The following ATP6V0D1 variants were observed in gnomAD, a reference collection of about 807,000 sequenced individuals.
ATP6V0D1 encodes the protein V-type proton ATPase subunit d 1.
In ATP6V0D1, 13 loss-of-function variants were observed where a neutral mutation model predicts 39.0. The observed-to-expected ratio is 0.33, with a 90% CI of 0.22 to 0.53. The LOEUF is 0.53. Among genes scored for constraint, ATP6V0D1 ranks in the 20% least tolerant of loss-of-function variants. The pLI is 0.94. For missense variants in ATP6V0D1, 272 were observed against 470.9 expected (o/e 0.58, Z 3.91); for synonymous variants, 191 against 191.2 (o/e 1.00, Z 0.01).
At chr16:67,457,572 C>G (rs1309323796) in intron 1 of ATP6V0D1, 1 of 1,289,538 alleles carries the variant, frequency 7.8e-7, no homozygotes, top group East Asian at 5.5e-5. Flanking sequence ...ACCTGACAGG[C>G]ATGGACCATC....
intron 4 of ATP6V0D1, among the ~76,000 whole-genome samples, chr16:67,441,976 G>C (rs911815466): frequency 6.6e-6 from 1 of 152,230 alleles, no homozygotes; most frequent in Admixed American, 6.5e-5. Flanking sequence ...TCAAAGCCCT[G>C]GGTAACTTGA....
intron 2 of ATP6V0D1, among the ~76,000 whole-genome samples, chr16:67,448,546 G>C (rs2041142675): frequency 6.6e-6 from 1 of 151,726 alleles, no homozygotes; most frequent in Non-Finnish European, 1.5e-5. Context: ...TGTAATCCCA[G>C]CTGCTCTGGA....
At chr16:67,459,247 A>C in intron 1 of ATP6V0D1, 4 of 985,536 alleles carry the variant, frequency 4.1e-6, no homozygotes, top group Non-Finnish European at 4.8e-6. Context: ...TCTCAGGCCC[A>C]TAGAGAGGCT....
chr16:67,448,713 T>G (rs1597572197), intron 2 of ATP6V0D1, among the ~76,000 whole-genome samples: 1 of 149,806 alleles, frequency 6.7e-6, no homozygotes, highest in Middle Eastern at 3.6e-3. Flanking sequence ...ACAGAGATAG[T>G]GAGCTTTAAC....
intron 2 of ATP6V0D1, among the ~76,000 whole-genome samples, chr16:67,449,266 A>C (rs1202006801): frequency 1.3e-5 from 2 of 152,216 alleles, no homozygotes; most frequent in Non-Finnish European, 2.9e-5. Flanking sequence ...AGGCTCACTC[A>C]TTCAAAGACA....
intron 4 of ATP6V0D1, 74 bp from the exon 5 acceptor site, chr16:67,439,425 G>A: frequency 1.4e-6 from 2 of 1,400,840 alleles, no homozygotes; most frequent in East Asian, 4.7e-5. Context: ...AGCCCTCACA[G>A]CTCCCTCCTC....
At chr16:67,473,220 T>G (rs1353558391) in intron 1 of ATP6V0D1, among the ~76,000 whole-genome samples, 1 of 151,658 alleles carries the variant, frequency 6.6e-6, no homozygotes, top group African/African-American at 2.4e-5. Context: ...AATTTGGGGC[T>G]GGGGGGGGTG....
chr16:67,452,337 G>A (rs2041190432), intron 2 of ATP6V0D1: 2 of 1,535,724 alleles, frequency 1.3e-6, no homozygotes, highest in Non-Finnish European at 8.7e-7. Context: ...TGGCCCTTCA[G>A]GTGTCCCAGC....
At position 67,444,662 on chromosome 16, in the gene ATP6V0D1, G is replaced by A. The variant is rs2041094080; in HGVS notation, c.347C>T (p.Thr116Met). 3.1e-6 allele frequency: 5 copies of A among 1,610,776 alleles called. No individual in the cohort carries two copies. The highest frequency in any genetic ancestry group is 4.2e-6 in the Non-Finnish European group (5 of 1,177,774). ...IDNVILLITG[T>M]LHQRSIAELV... The stretch of plus-strand genomic sequence containing the variant: ...CTCAGCGATGGAGCGCTGGTGCAGC[G>A]TGCCTGTGATGAGCAGGATCACGTT... Residue 116 changes from threonine (T) to methionine (M), a missense_variant, in exon 3 of 8, where the codon ACG (threonine) becomes ATG (methionine). Coordinates refer to ENST00000290949, the MANE Select transcript of ATP6V0D1 (RefSeq NM_004691.5). The surrounding 1 kb of genome is among the most constrained non-coding windows in gnomAD (Gnocchi z 4.8).
intron 1 of ATP6V0D1, among the ~76,000 whole-genome samples, chr16:67,460,868 G>A (rs973720316): frequency 6.6e-6 from 1 of 152,216 alleles, no homozygotes; most frequent in Non-Finnish European, 1.5e-5. Flanking sequence ...AGCTGAGTGG[G>A]ACAGGGGAGA....
Position 67,438,328 on chromosome 16 carries a change from T to C in ATP6V0D1, c.*200A>G. 1 of 611,058 alleles carries C rather than the reference T, an allele frequency of 1.6e-6. No homozygotes were observed. Among genetic ancestry groups the C allele is most frequent in the South Asian group, 2.2e-5 (1 of 44,602 alleles). 37.9% of individuals were successfully genotyped at this position (611,058 alleles called of 1,614,324 possible). A position where few individuals can be genotyped will look rare whatever the true frequency, so the allele number is the denominator to read the frequency against. On this transcript the variant is annotated 3_prime_UTR_variant, in exon 8 of 8. Transcript: ENST00000290949. ...TTCGTCCATCCTTGGTGGGGGGGGGTGCCCAGCCCCTTTTCAGGCCTAAGA... is the reference window on the plus strand; with the variant it reads ...TTCGTCCATCCTTGGTGGGGGGGGGCGCCCAGCCCCTTTTCAGGCCTAAGA...
intron 1 of ATP6V0D1, among the ~76,000 whole-genome samples, chr16:67,459,716 G>A (rs1051626519): frequency 2.6e-5 from 4 of 152,348 alleles, no homozygotes; most frequent in South Asian, 2.1e-4. Flanking sequence ...CCTCTCCAGG[G>A]CTCCCAGGCT....
chr16:67,471,694 C>A (rs1009586295), intron 1 of ATP6V0D1, among the ~76,000 whole-genome samples: 2 of 151,358 alleles, frequency 1.3e-5, no homozygotes, highest in Non-Finnish European at 2.9e-5. Context: ...TTTTTTGAGA[C>A]GGGGTCTCTC....
intron 1 of ATP6V0D1, chr16:67,459,328 G>T: frequency 1.1e-6 from 1 of 931,276 alleles, no homozygotes; most frequent in Non-Finnish European, 1.3e-6. Flanking sequence ...GGCCGGCCCT[G>T]TCCACCCTGA....
intron 1 of ATP6V0D1, among the ~76,000 whole-genome samples, chr16:67,466,657 G>A (rs2041333230): frequency 6.6e-6 from 1 of 152,054 alleles, no homozygotes; most frequent in Non-Finnish European, 1.5e-5. Context: ...CCAACATAAT[G>A]AGACCTTGTC....
At chr16:67,461,933 C>T (rs2041292260) in intron 1 of ATP6V0D1, among the ~76,000 whole-genome samples, 1 of 152,190 alleles carries the variant, frequency 6.6e-6, no homozygotes, top group Non-Finnish European at 1.5e-5. Flanking sequence ...TACCCTCATA[C>T]TCTCAGGAAC....
chr16:67,444,464 C>T lies in ATP6V0D1; in HGVS notation c.481+64G>A. On this transcript the variant is annotated intron_variant, in intron 3 of 7. Transcript: ENST00000290949. This position sits in a 1 kb window ranked among gnomAD's most constrained non-coding sequence, Gnocchi z 4.8. ...GGTCGCCCCCCAGCGGGTCCACAAA[C>T]CCCACCCTGATGCGCTGATGCTGAC... The T allele has an allele frequency of 6.6e-7, 1 of 1,515,818 alleles. No homozygotes were observed. Among genetic ancestry groups the T allele is most frequent in the Non-Finnish European group, 8.9e-7 (1 of 1,123,280 alleles). 93.9% of individuals were successfully genotyped at this position (1,515,818 alleles called of 1,614,324 possible).
Position 67,438,605 on chromosome 16 carries a change from G to A in ATP6V0D1, c.979C>T (p.Arg327Cys), listed in dbSNP as rs970712579. The change falls in exon 8 of 8, where the codon CGC becomes TGC. Residue 327 changes from arginine to cysteine, a missense_variant. This residue lies in a region of ATP6V0D1 where 35 missense variants were observed against 84.6 expected (regional missense o/e 0.41). Transcript: ENST00000290949. ...AFVKLKEQEC[R>C]NIVWIAECIA... ...CATTCAGCGATCCACACGATGTTGCGACACTCCTGCTCCTTGAGCTTCACG... is the reference window on the plus strand; with the variant it reads ...CATTCAGCGATCCACACGATGTTGCAACACTCCTGCTCCTTGAGCTTCACG... 1 of 1,614,224 alleles carries A rather than the reference G, an allele frequency of 6.2e-7. No homozygotes were observed. The highest frequency in any genetic ancestry group is 8.5e-7 in the Non-Finnish European group (1 of 1,180,052).
At chr16:67,472,934 A>G (rs1377821168) in intron 1 of ATP6V0D1, among the ~76,000 whole-genome samples, 1 of 152,134 alleles carries the variant, frequency 6.6e-6, no homozygotes, top group Non-Finnish European at 1.5e-5. Context: ...CATTTCCTAC[A>G]CATTAACCTT....
Sources: allele counts gnomAD v4.1 joint callset (sites outside exome capture counted in the v4.1 genomes callset), GRCh38; gene constraint gnomAD v4.1.1; regional missense constraint gnomAD v4.1.1; non-coding constraint Gnocchi (gnomAD v3.1); transcripts MANE v1.5; gene names NCBI Gene and HGNC (gene_info 2026-07-23, HGNC 2026-07-21).